Variants in PLCB1 observed in about 807,000 individuals in gnomAD.
PLCB1 encodes 1-phosphatidylinositol 4,5-bisphosphate phosphodiesterase beta-1.
Under a neutral mutation model 161.8 loss-of-function variants are expected in PLCB1, and 46 were observed. That is an observed-to-expected ratio of 0.28 (90% CI 0.22 to 0.36). The LOEUF is 0.36. PLCB1 is among the 10% of genes least tolerant of loss of function. The probability of loss-of-function intolerance (pLI) is 1.00; values close to 1 mark genes in which losing one functional copy is unlikely to be tolerated. For missense variants in PLCB1, 1,016 were observed against 1,472.5 expected, an observed-to-expected ratio of 0.69 and a Z score of 5.07; for synonymous variants, 517 against 503.7, an observed-to-expected ratio of 1.03 and a Z score of -0.35.
At chr20:8,682,876 A>G (rs1316794393) in intron 9 of PLCB1, among the ~76,000 whole-genome samples, 1 of 152,102 alleles carries the variant, frequency 6.6e-6, no homozygotes, top group Non-Finnish European at 1.5e-5. Context: ...CAGAAATTCT[A>G]TTTCTGGGAA....
intron 2 of PLCB1, among the ~76,000 whole-genome samples, chr20:8,318,991 A>T (rs1568630264): frequency 6.6e-6 from 1 of 152,108 alleles, no homozygotes; most frequent in Non-Finnish European, 1.5e-5. Flanking sequence ...TTCCACTGCC[A>T]CTTAAAGTAG....
At chr20:8,643,496 C>T (rs1387096625) in intron 4 of PLCB1, among the ~76,000 whole-genome samples, 1 of 152,112 alleles carries the variant, frequency 6.6e-6, no homozygotes. Context: ...GTTCCCTGCT[C>T]CTCCAGTTCC....
intron 1 of PLCB1, among the ~76,000 whole-genome samples, chr20:8,141,546 C>A (rs531806464): frequency 6.6e-6 from 1 of 150,672 alleles, no homozygotes; most frequent in African/African-American, 2.4e-5. Context: ...TCACTTAAAC[C>A]CAGGAGGCAG....
intron 3 of PLCB1, among the ~76,000 whole-genome samples, chr20:8,524,883 G>C (rs530552618): frequency 2.0e-5 from 3 of 152,190 alleles, no homozygotes; most frequent in Non-Finnish European, 4.4e-5. Context: ...AGATGTAGGA[G>C]AGGGAGGGAG....
chr20:8,820,211 A>G (rs1985274200), intron 31 of PLCB1, among the ~76,000 whole-genome samples: 1 of 148,272 alleles, frequency 6.7e-6, no homozygotes, highest in South Asian at 2.1e-4. Flanking sequence ...ACTGTATTAT[A>G]TAGTATTATA....
intron 31 of PLCB1, among the ~76,000 whole-genome samples, chr20:8,847,445 T>A (rs1174638108): frequency 6.6e-6 from 1 of 152,106 alleles, no homozygotes; most frequent in Non-Finnish European, 1.5e-5. Flanking sequence ...GGTCTGCCAT[T>A]AGAGGAAGAG....
At chr20:8,281,994 A>G (rs1568616583) in intron 2 of PLCB1, among the ~76,000 whole-genome samples, 1 of 152,204 alleles carries the variant, frequency 6.6e-6, no homozygotes. Flanking sequence ...TATTTAAAAA[A>G]AAATTTTAAA....
At chr20:8,287,642 G>A (rs1983184342) in intron 2 of PLCB1, among the ~76,000 whole-genome samples, 1 of 152,160 alleles carries the variant, frequency 6.6e-6, no homozygotes, top group South Asian at 2.1e-4. Flanking sequence ...TCATAGCATT[G>A]CCTGATGGAT....
chr20:8,340,703 C>T (rs528243697), intron 2 of PLCB1, among the ~76,000 whole-genome samples: 14 of 152,278 alleles, frequency 9.2e-5, no homozygotes, highest in African/African-American at 2.6e-4. Context: ...GGATTACAGG[C>T]GTGAGCCACC....
At chr20:8,265,403 T>G (rs1981908234) in intron 2 of PLCB1, among the ~76,000 whole-genome samples, 1 of 152,082 alleles carries the variant, frequency 6.6e-6, no homozygotes, top group South Asian at 2.1e-4. Flanking sequence ...TGCCAATGGG[T>G]GGGGGAGGCA....
At chr20:8,658,748 T>C (rs750914383) in intron 9 of PLCB1, 44 bp downstream of exon 9, 4 of 1,518,448 alleles carry the variant, frequency 2.6e-6, no homozygotes, top group East Asian at 4.7e-5. Context: ...TTGTTTCTGA[T>C]TGGGGGTAGT....
intron 3 of PLCB1, among the ~76,000 whole-genome samples, chr20:8,556,947 C>T (rs1184680966): frequency 2.0e-5 from 3 of 147,818 alleles, no homozygotes; most frequent in Non-Finnish European, 4.5e-5. Context: ...TACCACTTGA[C>T]ACCATTTGGA....
chr20:8,276,986 C>CTTCTTCTTCTTATTATTATTA (rs869194352), intron 2 of PLCB1, among the ~76,000 whole-genome samples: 10 of 93,358 alleles, frequency 1.1e-4, no homozygotes, highest in East Asian at 1.0e-3. Context: ...TCTTCTTCTT[C>CTTCTTCTTCTTATTATTATTA]TTATTATTAT....
At chr20:8,643,770 T>TCTCCCTCTCCCTCTCC in intron 4 of PLCB1, among the ~76,000 whole-genome samples, 2 of 125,068 alleles carry the variant, frequency 1.6e-5, no homozygotes, top group Non-Finnish European at 3.4e-5. Flanking sequence ...TCCCTCTCCC[T>TCTCCCTCTCCCTCTCC]CTCCCTCTTT....
intron 3 of PLCB1, among the ~76,000 whole-genome samples, chr20:8,619,146 A>AG (rs1988110153): frequency 6.6e-6 from 1 of 152,206 alleles, no homozygotes; most frequent in East Asian, 1.9e-4. Context: ...AATTTTAAGA[A>AG]GAAAAAGAGG....
At chr20:8,559,169 T>C (rs1033213285) in intron 3 of PLCB1, among the ~76,000 whole-genome samples, 2 of 151,906 alleles carry the variant, frequency 1.3e-5, no homozygotes, top group Non-Finnish European at 2.9e-5. Flanking sequence ...TATAAAGATA[T>C]AGTCTGTGAC....
intron 3 of PLCB1, among the ~76,000 whole-genome samples, chr20:8,487,588 A>T (rs1044153073): frequency 6.6e-6 from 1 of 152,064 alleles, no homozygotes; most frequent in Non-Finnish European, 1.5e-5. Flanking sequence ...AGTGGCTGGG[A>T]TTCTTCAACA....
intron 31 of PLCB1, among the ~76,000 whole-genome samples, chr20:8,866,502 T>G (rs528865650): frequency 2.6e-5 from 4 of 152,306 alleles, no homozygotes; most frequent in Admixed American, 2.0e-4. Flanking sequence ...CTGCATGGTG[T>G]TTTGTAAATT....
chr20:8,431,868 A>T (rs932756983), intron 3 of PLCB1, among the ~76,000 whole-genome samples: 1 of 152,192 alleles, frequency 6.6e-6, no homozygotes, highest in African/African-American at 2.4e-5. Flanking sequence ...CCATAATAAA[A>T]TGCTGTAGAT....
Sources: gnomAD v4.1 joint callset for allele counts (sites outside exome capture counted in the v4.1 genomes callset) on GRCh38, gnomAD v4.1.1 for gene constraint, MANE v1.5 for transcripts, NCBI Gene and HGNC (gene_info 2026-07-23, HGNC 2026-07-21) for gene names.